Variants in ZNF131 observed in about 807,000 individuals in gnomAD.
ZNF131 encodes the protein zinc finger and BTB domain containing 35.
In ZNF131, 7 loss-of-function variants were observed where a neutral mutation model predicts 60.0. The observed-to-expected ratio is 0.12, with a 90% CI of 0.07 to 0.22. The LOEUF (loss-of-function observed/expected upper bound fraction) is 0.22, where lower values mean the gene tolerates loss of function less well. ZNF131 is among the 10% of genes least tolerant of loss of function. The pLI is 1.00. For synonymous variants in ZNF131, 257 were observed against 253.2 expected, an observed-to-expected ratio of 1.01 and a Z score of -0.14; for missense variants, 493 against 740.9, an observed-to-expected ratio of 0.67 and a Z score of 3.88.
chr5:43,143,284 G>A (rs900225937), intron 4 of ZNF131: 2 of 892,602 alleles, frequency 2.2e-6, no homozygotes, highest in Non-Finnish European at 2.9e-6. Context: ...GCCTCCCAAA[G>A]TGCTGGGATT....
At chr5:43,134,146 T>C (rs1745714679) in intron 3 of ZNF131, among the ~76,000 whole-genome samples, 1 of 152,168 alleles carries the variant, frequency 6.6e-6, no homozygotes, top group Non-Finnish European at 1.5e-5. Context: ...AGCAGACTGA[T>C]TCTAACAGCA....
chr5:43,131,931 T>TTAG, intron 3 of ZNF131, among the ~76,000 whole-genome samples: 1 of 152,322 alleles, frequency 6.6e-6, no homozygotes, highest in South Asian at 2.1e-4. Context: ...TTTTATCCTG[T>TTAG]TAGTATTCTA....
intron 3 of ZNF131, among the ~76,000 whole-genome samples, chr5:43,129,365 C>T (rs1414953400): frequency 1.3e-5 from 2 of 152,132 alleles, no homozygotes; most frequent in African/African-American, 2.4e-5. Flanking sequence ...AGCCACCACA[C>T]CCAGCCCTTG....
At chr5:43,139,359 A>T in intron 4 of ZNF131, 50 bp downstream of exon 4, 1 of 1,472,976 alleles carries the variant, frequency 6.8e-7, no homozygotes, top group South Asian at 1.6e-5. Context: ...AGTCATGTTC[A>T]TTCTGTTAGT....
intron 3 of ZNF131, among the ~76,000 whole-genome samples, chr5:43,128,174 T>G (rs1479311764): frequency 6.6e-6 from 1 of 152,224 alleles, no homozygotes; most frequent in African/African-American, 2.4e-5. Context: ...TTCTGCGCAC[T>G]TCTGTTATGA....
chr5:43,151,208 A>T (rs1748263626), intron 4 of ZNF131, among the ~76,000 whole-genome samples: 1 of 152,212 alleles, frequency 6.6e-6, no homozygotes, highest in Non-Finnish European at 1.5e-5. Context: ...TAAGTCATGC[A>T]CAATGTTGTA....
At chr5:43,152,099 T>G (rs1260870679) in intron 4 of ZNF131, among the ~76,000 whole-genome samples, 1 of 151,834 alleles carries the variant, frequency 6.6e-6, no homozygotes, top group Non-Finnish European at 1.5e-5. Flanking sequence ...ACCTCCCAGG[T>G]TCAAGTGATT....
chr5:43,145,907 A>T (rs985772217), intron 4 of ZNF131, among the ~76,000 whole-genome samples: 1 of 152,164 alleles, frequency 6.6e-6, no homozygotes, highest in Admixed American at 6.5e-5. Flanking sequence ...ATGTCTTCCA[A>T]CCGATTATAC....
intron 5 of ZNF131, among the ~76,000 whole-genome samples, chr5:43,169,328 TGAG>T (rs1750705812): frequency 1.3e-5 from 2 of 151,994 alleles, no homozygotes. Flanking sequence ...TACATTTTAC[TGAG>T]TTTACTTAAT....
rs1751326033 is a variant in ZNF131 at position 43,174,199 on chromosome 5, G to A, written c.1186-248G>A. Among the ~76,000 whole-genome samples the A allele has an allele frequency of 2.0e-5, 3 of 152,342 alleles. No homozygotes were observed. The South Asian group carries it at 6.2e-4, about 32-fold the overall frequency. On this transcript the variant is annotated intron_variant, in intron 6 of 6. Coordinates refer to ENST00000682664, the MANE Select transcript of ZNF131 (RefSeq NM_001330707.2). Reference sequence around the variant, plus strand: ...GCCGAGATCGCACCATTGCACTCCAGCCTGGGCAACAAGAGCGAGACTTTG... The same window carrying A: ...GCCGAGATCGCACCATTGCACTCCAACCTGGGCAACAAGAGCGAGACTTTG...
chr5:43,139,026 T>C, intron 3 of ZNF131, 139 bp from the exon 4 acceptor site: 1 of 657,010 alleles, frequency 1.5e-6, no homozygotes, highest in African/African-American at 1.9e-5. Context: ...ATTGTATTGC[T>C]AATGAGAATT....
At position 43,160,678 on chromosome 5, in the gene ZNF131, C is replaced by CTTTTTTTTTTTTTTTT. The variant is rs71608692; in HGVS notation, c.372-564_372-549dup. Among the ~76,000 whole-genome samples the CTTTTTTTTTTTTTTTT allele has an allele frequency of 4.2e-4, 39 of 93,032 alleles. 2 individuals carry two copies. The highest frequency in any genetic ancestry group is 7.6e-4 in the African/African-American group (19 of 25,086). The allele number at this position is 93,032 out of a possible 152,430, so 61.0% of individuals were successfully genotyped here. On this transcript the variant is annotated intron_variant, in intron 4 of 6. Transcript: ENST00000682664. Reference sequence around the variant, plus strand: ...TCACTGTTAAATGATTAGCTTGGAACTTTTTTTTTTTTTTTTTTTTTTGAG... The same window carrying CTTTTTTTTTTTTTTTT: ...TCACTGTTAAATGATTAGCTTGGAACTTTTTTTTTTTTTTTTTTTTTTTTTTTTTTTTTTTTTTGAG...
Position 43,164,333 on chromosome 5 carries a change from C to T in ZNF131, c.1054+2402C>T, listed in dbSNP as rs1239806757. Among the ~76,000 whole-genome samples, 6 of 152,238 alleles carry T rather than the reference C, an allele frequency of 3.9e-5. No homozygotes were observed. In the East Asian group the frequency reaches 1.2e-3, roughly 29 times the overall value. ...ATACGAACCAATCCCCCGCATATAC[C>T]AAGGGACGCCTACCTGTTTTATATA... is the stretch of plus-strand genomic sequence containing the variant. On this transcript the variant is annotated intron_variant, in intron 5 of 6. Transcript: ENST00000682664.
rs765959932 is a variant in ZNF131, at chr5:43,130,263, C to CAA, written c.226+6953_226+6954insAA. ...TGAGCGATAGAGTAAGACTCTGTCTCCAAAAAAAAAAAAAAAAAAGAGGAA... is the reference window on the plus strand; with the variant it reads ...TGAGCGATAGAGTAAGACTCTGTCTCAACAAAAAAAAAAAAAAAAAAGAGGAA... On this transcript the variant is annotated intron_variant, in intron 3 of 6. Transcript: ENST00000682664. Among the ~76,000 whole-genome samples, 25 of 33,154 alleles carry CAA rather than the reference C, an allele frequency of 7.5e-4. 2 individuals carry two copies. The highest frequency in any genetic ancestry group is 5.1e-3 in the South Asian group (2 of 392). The allele number at this position is 33,154 out of a possible 152,430, so 21.8% of individuals were successfully genotyped here. A position where few individuals can be genotyped will look rare whatever the true frequency, so the allele number is the denominator to read the frequency against.
At chr5:43,165,367 A>G (rs1750223911) in intron 5 of ZNF131, among the ~76,000 whole-genome samples, 1 of 152,042 alleles carries the variant, frequency 6.6e-6, no homozygotes, top group Non-Finnish European at 1.5e-5. Context: ...TTGTGCATGC[A>G]TCTCTGGTGT....
intron 5 of ZNF131, among the ~76,000 whole-genome samples, chr5:43,166,452 C>T (rs191040035): frequency 2.6e-5 from 4 of 151,940 alleles, no homozygotes; most frequent in Admixed American, 2.6e-4. Context: ...GCTCTGCCTC[C>T]TGGGTTCACG....
chr5:43,149,351 C>A (rs1268594404), intron 4 of ZNF131, among the ~76,000 whole-genome samples: 1 of 151,964 alleles, frequency 6.6e-6, no homozygotes, highest in South Asian at 2.1e-4. Flanking sequence ...GAAAGAAATT[C>A]ACGTATATTA....
intron 5 of ZNF131, among the ~76,000 whole-genome samples, chr5:43,165,883 G>A (rs1043286458): frequency 6.6e-6 from 1 of 152,240 alleles, no homozygotes; most frequent in Non-Finnish European, 1.5e-5. Context: ...GTTGTTGAGT[G>A]TAGCCACCTT....
intron 3 of ZNF131, 162 bp downstream of exon 3, chr5:43,123,472 G>A (rs1006145529): frequency 6.0e-6 from 3 of 499,776 alleles, no homozygotes; most frequent in African/African-American, 6.0e-5. Context: ...GTAGGTAAAG[G>A]TAGATAAATT....
Sources: gnomAD v4.1 joint callset for allele counts (sites outside exome capture counted in the v4.1 genomes callset) on GRCh38, gnomAD v4.1.1 for gene constraint, MANE v1.5 for transcripts, NCBI Gene and HGNC (gene_info 2026-07-23, HGNC 2026-07-21) for gene names.